The following WASF2 variants were observed in gnomAD, a reference collection of about 807,000 sequenced individuals.
The protein encoded by WASF2 is actin-binding protein WASF2.
WASF2 carries 14 observed loss-of-function variants against 45.0 expected under a neutral mutation model. That is an observed-to-expected ratio of 0.31 (90% CI 0.21 to 0.49). The LOEUF (loss-of-function observed/expected upper bound fraction) is 0.49. Among genes scored for constraint, WASF2 ranks in the 20% least tolerant of loss-of-function variants. The probability of loss-of-function intolerance (pLI) is 0.99; values close to 1 mark genes in which losing one functional copy is unlikely to be tolerated. For synonymous variants in WASF2, 200 were observed against 236.3 expected (o/e 0.85, Z 1.41); for missense variants, 439 against 636.1 (o/e 0.69, Z 3.33).
Position 27,471,213 on chromosome 1 carries a change from C to T in WASF2, c.-44+18773G>A, listed in dbSNP as rs181857355. Among the ~76,000 whole-genome samples the T allele has an allele frequency of 2.4e-3, 359 of 151,286 alleles. 1 individual carries two copies. Among genetic ancestry groups the T allele is most frequent in the African/African-American group, 8.1e-3 (334 of 41,352 alleles). On this transcript the variant is annotated intron_variant, in intron 1 of 8. Coordinates refer to ENST00000618852, the MANE Select transcript of WASF2 (RefSeq NM_006990.5). The stretch of plus-strand genomic sequence containing the variant: ...ACAAAAAATTAGCCGGGCGTAGTGG[C>T]GGGCGCCTGTAGTCCCAGCTACTTG...
rs2016666641 is a variant in WASF2 at position 27,405,875 on chromosome 1, A to AATCCTACCTT, written c.*2304_*2313dup. 6.6e-6 allele frequency: 1 copy of AATCCTACCTT among 152,420 alleles called. No individual in the cohort carries two copies. Among genetic ancestry groups the AATCCTACCTT allele is most frequent in the South Asian group, 2.1e-4 (1 of 4,818 alleles). 9.4% of individuals were successfully genotyped at this position (152,420 alleles called of 1,614,324 possible). On this transcript the variant is annotated 3_prime_UTR_variant, in exon 9 of 9. Coordinates refer to ENST00000618852, the MANE Select transcript of WASF2 (RefSeq NM_006990.5). ...TAGGAGGTCACTGAGCTAATGATCT[A>AATCCTACCTT]ATCCTACCTTCCGCAGGCAGTGCCC...
In WASF2 at chr1:27,418,411, C is replaced by T. The variant is rs1270079169; in HGVS notation, c.277G>A (p.Gly93Arg). Residue 93 changes from glycine to arginine, a missense_variant, in exon 4 of 9, where the codon GGA (glycine) becomes AGA (arginine). Gly to Arg is a moderately radical substitution (Grantham distance 125). Transcript: ENST00000618852. ...CTGAAGGCTTTTCGGGTGTTGATTC[C>T]TTGCAGTGACACTGAGAGAAGATGG... Reference protein sequence around the residue: ...DPKEEEVSLQGINTRKAFRSS... With the variant: ...DPKEEEVSLQRINTRKAFRSS... 1.9e-6 allele frequency: 3 copies of T among 1,614,076 alleles called. No homozygotes were observed. Among genetic ancestry groups the T allele is most frequent in the Non-Finnish European group, 2.5e-6 (3 of 1,180,038 alleles).
chr1:27,472,302 G>C (rs1300748167), intron 1 of WASF2, among the ~76,000 whole-genome samples: 7 of 148,804 alleles, frequency 4.7e-5, no homozygotes, highest in Non-Finnish European at 1.0e-4. Context: ...TCCAGCCTGT[G>C]TGCCAGAGCA....
At chr1:27,425,346 C>T (rs2016963931) in intron 2 of WASF2, among the ~76,000 whole-genome samples, 1 of 152,158 alleles carries the variant, frequency 6.6e-6, no homozygotes, top group Non-Finnish European at 1.5e-5. Flanking sequence ...TCTCAGCCTC[C>T]TAGAGTACTG....
At chr1:27,432,826 T>C (rs1172515193) in intron 1 of WASF2, among the ~76,000 whole-genome samples, 1 of 152,084 alleles carries the variant, frequency 6.6e-6, no homozygotes, top group Non-Finnish European at 1.5e-5. Flanking sequence ...TGCAGTGGCA[T>C]GATCATAGCT....
intron 1 of WASF2, among the ~76,000 whole-genome samples, chr1:27,446,044 T>C (rs1038603522): frequency 6.6e-6 from 1 of 152,098 alleles, no homozygotes; most frequent in African/African-American, 2.4e-5. Context: ...TTTCTGCATA[T>C]AGGAAATACT....
In WASF2 at chr1:27,414,729, G is replaced by A. The variant is rs2016805463; in HGVS notation, c.668+104C>T. 2 of 1,468,802 alleles carry A rather than the reference G, an allele frequency of 1.4e-6. 1 individual carries two copies. The highest frequency in any genetic ancestry group is 2.7e-5 in the South Asian group (2 of 73,452). The allele number at this position is 1,468,802 out of a possible 1,614,324, so 91.0% of individuals were successfully genotyped here. On this transcript the variant is annotated intron_variant, in intron 6 of 8. Coordinates refer to ENST00000618852, the MANE Select transcript of WASF2 (RefSeq NM_006990.5). The surrounding 1 kb of genome is among the most constrained non-coding windows in gnomAD (Gnocchi z 4.1). ...AACAGTGGTATTGATCTAAGCCACAGAGACAGACTTCAGGGGGTGTGAAAG... is the reference window on the plus strand; with the variant it reads ...AACAGTGGTATTGATCTAAGCCACAAAGACAGACTTCAGGGGGTGTGAAAG...
At chr1:27,457,178 A>G (rs935583653) in intron 1 of WASF2, 1 of 151,952 alleles carries the variant, frequency 6.6e-6, no homozygotes, top group Admixed American at 6.6e-5. Context: ...ACGTCAGACC[A>G]GGTTTTCTAT....
At position 27,409,775 on chromosome 1, in the gene WASF2, G is replaced by A. The variant is rs148528717; in HGVS notation, c.1256C>T (p.Pro419Leu). ...GADGQPAIPP[P>L]LSDTTKPKSS... Reference sequence around the variant, plus strand: ...CTTGGGCTTGGTGGTATCAGAAAGCGGTGGTGGTATAGCAGGCTGGCCATC... The same window carrying A: ...CTTGGGCTTGGTGGTATCAGAAAGCAGTGGTGGTATAGCAGGCTGGCCATC... The change falls in exon 8 of 9, where the codon CCG becomes CTG. Residue 419 changes from proline (P) to leucine (L), a missense_variant. Physicochemically the swap from Pro to Leu is moderately conservative, Grantham distance 98. This residue lies in a region of WASF2 where 286 missense variants were observed against 373.5 expected (regional missense o/e 0.77). Coordinates refer to ENST00000618852, the MANE Select transcript of WASF2 (RefSeq NM_006990.5). 2.8e-5 allele frequency: 43 copies of A among 1,549,528 alleles called. No homozygotes were observed. In the African/African-American group the frequency reaches 2.9e-4, roughly 10 times the overall value.
intron 7 of WASF2, among the ~76,000 whole-genome samples, chr1:27,411,892 A>C (rs1416618486): frequency 3.3e-5 from 5 of 152,196 alleles, no homozygotes; most frequent in Non-Finnish European, 7.3e-5. Context: ...AATAAAATAA[A>C]GTTAAGGAAA....
intron 4 of WASF2, 128 bp from the exon 5 acceptor site, chr1:27,416,230 C>T: frequency 1.3e-6 from 1 of 750,594 alleles, no homozygotes; most frequent in Non-Finnish European, 2.3e-6. Flanking sequence ...GAATCGATTG[C>T]ATACCTCCTC....
chr1:27,409,620 C>G (rs922234299), intron 8 of WASF2, 72 bp downstream of exon 8: 132 of 1,393,268 alleles, frequency 9.5e-5, no homozygotes, highest in Non-Finnish European at 1.2e-4. Flanking sequence ...CCCCCTCACC[C>G]ATCCCCCAAT....
chr1:27,427,887 C>T (rs978888347), intron 2 of WASF2, among the ~76,000 whole-genome samples: 14 of 152,108 alleles, frequency 9.2e-5, no homozygotes, highest in African/African-American at 2.4e-5. Flanking sequence ...TGGAGTGGCA[C>T]TAGATAAATG....
At chr1:27,481,675 C>T (rs1417984754) in intron 1 of WASF2, among the ~76,000 whole-genome samples, 2 of 150,538 alleles carry the variant, frequency 1.3e-5, no homozygotes, top group Non-Finnish European at 3.0e-5. Context: ...GAGCCAACAT[C>T]ATCGGGCCAT....
At chr1:27,415,081 A>C in intron 5 of WASF2, 118 bp from the exon 6 acceptor site, 1 of 1,287,640 alleles carries the variant, frequency 7.8e-7, no homozygotes, top group Non-Finnish European at 1.1e-6. Flanking sequence ...AACATACAAT[A>C]ACTACAGAAC....
rs189877120 is a variant in WASF2, at chr1:27,443,569, C to T, written c.-43-14636G>A. ...CGGAGGTTGCAGTGAGCCAAGACTG[C>T]GCCATTGCACTCCAGCCCGGGCAAC... On this transcript the variant is annotated intron_variant, in intron 1 of 8. Coordinates refer to ENST00000618852, the MANE Select transcript of WASF2 (RefSeq NM_006990.5). Among the ~76,000 whole-genome samples the T allele has an allele frequency of 3.7e-3, 559 of 150,356 alleles. 2 individuals carry two copies. The highest frequency in any genetic ancestry group is 6.2e-3 in the Admixed American group (93 of 15,092).
At chr1:27,455,262 C>T (rs2017452078) in intron 1 of WASF2, among the ~76,000 whole-genome samples, 1 of 151,886 alleles carries the variant, frequency 6.6e-6, no homozygotes. Flanking sequence ...TTTGTTTTTC[C>T]AAAACACTGA....
At chr1:27,431,962 T>C (rs966301910) in intron 1 of WASF2, among the ~76,000 whole-genome samples, 2 of 152,198 alleles carry the variant, frequency 1.3e-5, no homozygotes, top group Non-Finnish European at 2.9e-5. Flanking sequence ...CTGCTATCGT[T>C]TAAAGTGATT....
rs998022939 is a variant in WASF2 at position 27,424,691 on chromosome 1, C to T, written c.130+4070G>A. Among the ~76,000 whole-genome samples the T allele has an allele frequency of 5.3e-5, 8 of 152,098 alleles. 1 individual carries two copies. The highest frequency in any genetic ancestry group is 4.1e-4 in the South Asian group (2 of 4,828). On this transcript the variant is annotated intron_variant, in intron 2 of 8. Transcript: ENST00000618852. ...ACACGCCACCACACCCAGCTAATTT[C>T]GTTTATATTTTGTAGAGACAGGGTC...
Sources: gnomAD v4.1 joint callset for allele counts (sites outside exome capture counted in the v4.1 genomes callset) on GRCh38, gnomAD v4.1.1 for gene constraint, gnomAD v4.1.1 regional missense constraint, Gnocchi (gnomAD v3.1) non-coding constraint, MANE v1.5 for transcripts, NCBI Gene and HGNC (gene_info 2026-07-23, HGNC 2026-07-21) for gene names.